The following NCSTN variants were observed in gnomAD, a reference collection of about 807,000 sequenced individuals.
NCSTN encodes anterior pharynx-defective 2.
Under a neutral mutation model 87.0 loss-of-function variants are expected in NCSTN, and 22 were observed. The observed-to-expected ratio is 0.25, with a 90% confidence interval of 0.18 to 0.36. The LOEUF (loss-of-function observed/expected upper bound fraction) is 0.36. Ranked by LOEUF, NCSTN falls within the 10% of genes least tolerant of loss-of-function variation. NCSTN has a pLI of 1.00. For missense variants in NCSTN, 693 were observed against 883.3 expected (o/e 0.78, Z 2.73); for synonymous variants, 306 against 327.1 (o/e 0.94, Z 0.69).
At position 160,344,656 on chromosome 1, in the gene NCSTN, A is replaced by G. The variant is rs773737402; in HGVS notation, c.86-66A>G. 4 of 1,597,302 alleles carry G rather than the reference A, an allele frequency of 2.5e-6. No individual in the cohort carries two copies. In the Admixed American group the frequency reaches 6.9e-5, roughly 28 times the overall value. On this transcript the variant is annotated intron_variant, in intron 1 of 16. Transcript: ENST00000294785. The stretch of plus-strand genomic sequence containing the variant: ...TTTACCCAAGCCATACTTCAGGTTA[A>G]TGACACGATAGAAGCTAGTACCTGT...
At position 160,358,392 on chromosome 1, in the gene NCSTN, C is replaced by A; in HGVS notation, c.*121C>A. ...TGGGCCTGTCTCAGATTGGGATTAA[C>A]ATAAAAGAGTGGAACTATCCAAAAG... On this transcript the variant is annotated 3_prime_UTR_variant, in exon 17 of 17. Coordinates refer to ENST00000294785, the MANE Select transcript of NCSTN (RefSeq NM_015331.3). 1 of 1,332,376 alleles carries A rather than the reference C, an allele frequency of 7.5e-7. No homozygotes were observed. The highest frequency in any genetic ancestry group is 2.3e-5 in the East Asian group (1 of 43,256). 82.5% of individuals were successfully genotyped at this position (1,332,376 alleles called of 1,614,324 possible). A position where few individuals can be genotyped will look rare whatever the true frequency, so the allele number is the denominator to read the frequency against.
At chr1:160,346,375 G>A (rs959881150) in intron 2 of NCSTN, among the ~76,000 whole-genome samples, 1 of 152,164 alleles carries the variant, frequency 6.6e-6, no homozygotes, top group African/African-American at 2.4e-5. Flanking sequence ...AGGTAAATAG[G>A]GTGGTCTCAA....
rs750149185 is a variant in NCSTN, at chr1:160,344,809, A to G, written c.173A>G (p.His58Arg). ...APCVRLLNAT[H>R]QIGCQSSISG... The stretch of plus-strand genomic sequence containing the variant: ...TGTGTTCGCCTGCTCAACGCCACTC[A>G]TCAGATTGGCTGCCAGTGTGAGTTG... Residue 58 changes from histidine (H) to arginine (R), a missense_variant, in exon 2 of 17, where the codon CAT becomes CGT. By Grantham distance (29) the His-to-Arg change is conservative. Transcript: ENST00000294785. 6.2e-6 allele frequency: 10 copies of G among 1,613,492 alleles called. No individual in the cohort carries two copies. The highest frequency in any genetic ancestry group is 3.3e-5 in the South Asian group (3 of 91,048).
At position 160,343,954 on chromosome 1, in the gene NCSTN, GTTTTTT is replaced by G. The variant is rs35301624; in HGVS notation, c.85+490_85+495del. On this transcript the variant is annotated intron_variant, in intron 1 of 16. Coordinates refer to ENST00000294785, the MANE Select transcript of NCSTN (RefSeq NM_015331.3). ...TCTGTGTCCCCCTGCCTTGCCTCAG[GTTTTTT>G]TTTTTTTTTTTTTTTTAATCAGTAA... The G allele has an allele frequency of 3.5e-3, 537 of 152,442 alleles. 8 individuals are homozygous for G. The highest frequency in any genetic ancestry group is 0.017 in the African/African-American group (498 of 28,830). 9.4% of individuals were successfully genotyped at this position (152,442 alleles called of 1,614,324 possible).
chr1:160,353,528 T>C, intron 10 of NCSTN: 1 of 1,300,968 alleles, frequency 7.7e-7, no homozygotes, highest in Non-Finnish European at 9.8e-7. Flanking sequence ...CTTCTTGCCT[T>C]GCTGCCCCAT....
chr1:160,351,912 A>G (rs1648870155), intron 7 of NCSTN, 107 bp downstream of exon 7: 1 of 1,463,212 alleles, frequency 6.8e-7, no homozygotes, highest in East Asian at 2.3e-5. Context: ...GAAGCCTCAA[A>G]TGGGGAGGAA....
intron 10 of NCSTN, chr1:160,353,487 G>C (rs1648976272): frequency 1.4e-6 from 2 of 1,385,438 alleles, no homozygotes; most frequent in Admixed American, 2.8e-5. Context: ...GACTACCACT[G>C]CCCATTAAGG....
At chr1:160,350,035 G>GC (rs200649829) in intron 4 of NCSTN, 70 bp from the exon 5 acceptor site, 22,366 of 1,554,580 alleles carry the variant, frequency 0.014, 219 homozygotes, top group Non-Finnish European at 0.016. Context: ...AGATTCTTCT[G>GC]CCGTCACCTG....
At chr1:160,348,151 T>G (rs1648616692) in intron 2 of NCSTN, among the ~76,000 whole-genome samples, 1 of 152,192 alleles carries the variant, frequency 6.6e-6, no homozygotes, top group Non-Finnish European at 1.5e-5. Flanking sequence ...CCCTAGGATA[T>G]CTCCACACAG....
In NCSTN at chr1:160,352,149, A is replaced by G. The variant is rs151088893; in HGVS notation, c.939A>G (p.Gln313=). The G allele has an allele frequency of 3.1e-4, 503 of 1,614,116 alleles. No individual in the cohort carries two copies. The highest frequency in any genetic ancestry group is 4.1e-4 in the Non-Finnish European group (482 of 1,180,048). ...VTQLAAAEAL[Q]KAPDVTTLPR... Reference sequence around the variant, plus strand: ...AGCTGGCTGCTGCTGAAGCTTTGCAAAAGGCACCTGATGTGACCACCCTGC... The same window carrying G: ...AGCTGGCTGCTGCTGAAGCTTTGCAGAAGGCACCTGATGTGACCACCCTGC... Residue 313 remains glutamine, a synonymous_variant, in exon 8 of 17, where the codon CAA becomes CAG. Transcript: ENST00000294785.
chr1:160,345,828 T>C (rs1648451634), intron 2 of NCSTN, among the ~76,000 whole-genome samples: 2 of 150,140 alleles, frequency 1.3e-5, no homozygotes, highest in Admixed American at 1.3e-4. Flanking sequence ...AGTCCTAGCT[T>C]CTCGGGAGGC....
At chr1:160,344,429 A>C in intron 1 of NCSTN, 1 of 1,466,304 alleles carries the variant, frequency 6.8e-7, no homozygotes, top group Non-Finnish European at 9.0e-7. Context: ...AATCTGGCAA[A>C]TCTAAGGTCA....
Position 160,358,378 on chromosome 1 carries a change from C to T in NCSTN, c.*107C>T. 1 of 1,445,752 alleles carries T rather than the reference C, an allele frequency of 6.9e-7. No individual in the cohort carries two copies. Among genetic ancestry groups the T allele is most frequent in the Non-Finnish European group, 9.6e-7 (1 of 1,038,468 alleles). The allele number at this position is 1,445,752 out of a possible 1,614,324, so 89.6% of individuals were successfully genotyped here. On this transcript the variant is annotated 3_prime_UTR_variant, in exon 17 of 17. Coordinates refer to ENST00000294785, the MANE Select transcript of NCSTN (RefSeq NM_015331.3). ...CACTGGAACCTCCCTGGGCCTGTCT[C>T]AGATTGGGATTAACATAAAAGAGTG...
chr1:160,343,542 G>A (rs758940511), intron 1 of NCSTN, 61 bp downstream of exon 1: 494 of 1,476,358 alleles, frequency 3.3e-4, no homozygotes, highest in Non-Finnish European at 4.3e-4. Context: ...CGGCCCCGCC[G>A]CGACCGCCAC....
At chr1:160,353,356 T>C (rs1648970299) in intron 10 of NCSTN, 119 bp downstream of exon 10, 1 of 1,566,054 alleles carries the variant, frequency 6.4e-7, no homozygotes. Context: ...CAGGATTGGA[T>C]TGGGTGTTGG....
intron 2 of NCSTN, 66 bp from the exon 3 acceptor site, chr1:160,348,933 A>C: frequency 1.2e-6 from 2 of 1,607,964 alleles, no homozygotes; most frequent in Non-Finnish European, 1.7e-6. Flanking sequence ...GATACGCAGA[A>C]TCAGTGAGGC....
chr1:160,343,590 CA>C (rs1648243101), intron 1 of NCSTN, 109 bp downstream of exon 1: 9 of 1,035,412 alleles, frequency 8.7e-6, no homozygotes, highest in Admixed American at 2.0e-5. Context: ...TCTGTCCCCC[CA>C]CCCTGTAAAT....
intron 6 of NCSTN, 123 bp downstream of exon 6, chr1:160,351,495 G>T: frequency 7.4e-7 from 1 of 1,359,208 alleles, no homozygotes; most frequent in Non-Finnish European, 1.0e-6. Flanking sequence ...AGCTCTGCAT[G>T]GGAGAACTAG....
chr1:160,351,118 G>T, intron 5 of NCSTN, 104 bp from the exon 6 acceptor site: 2 of 1,177,922 alleles, frequency 1.7e-6, no homozygotes, highest in Non-Finnish European at 2.5e-6. Flanking sequence ...CGAAAAGGGT[G>T]TGGCTCCATC....
Sources: gnomAD v4.1 joint callset for allele counts (sites outside exome capture counted in the v4.1 genomes callset) on GRCh38, gnomAD v4.1.1 for gene constraint, MANE v1.5 for transcripts, NCBI Gene and HGNC (gene_info 2026-07-23, HGNC 2026-07-21) for gene names.